The following GRM8 variants were observed in gnomAD, a reference collection of about 807,000 sequenced individuals.
GRM8 encodes metabotropic glutamate receptor 8.
A neutral mutation model predicts 87.2 loss-of-function variants in GRM8; 47 were observed. The ratio of observed to expected loss-of-function variants is 0.54; its 90% confidence interval spans 0.43 to 0.69. GRM8 has a LOEUF of 0.69. Ranked by LOEUF, GRM8 falls within the 30% of genes least tolerant of loss-of-function variation. GRM8 has a pLI of 0.00. For missense variants in GRM8, 1,019 were observed against 1,139.2 expected (o/e 0.89, Z 1.52); for synonymous variants, 396 against 404.5 (o/e 0.98, Z 0.25).
intron 6 of GRM8, among the ~76,000 whole-genome samples, chr7:126,899,182 T>C (rs1345774222): frequency 6.6e-6 from 1 of 151,800 alleles, no homozygotes; most frequent in African/African-American, 2.4e-5. Context: ...TAATACAGTC[T>C]AAATAACAGG....
chr7:126,939,106 T>C (rs1024287653), intron 3 of GRM8, among the ~76,000 whole-genome samples: 2 of 152,118 alleles, frequency 1.3e-5, no homozygotes, highest in African/African-American at 4.8e-5. Context: ...AAGATGGGCA[T>C]CTTAACCATC....
intron 5 of GRM8, among the ~76,000 whole-genome samples, chr7:126,903,175 T>C (rs966335347): frequency 6.6e-6 from 1 of 152,182 alleles, no homozygotes; most frequent in Non-Finnish European, 1.5e-5. Flanking sequence ...TGTCATCTTA[T>C]GGAGTCATGA....
chr7:127,175,463 T>C (rs1794047459), intron 2 of GRM8, among the ~76,000 whole-genome samples: 1 of 152,042 alleles, frequency 6.6e-6, no homozygotes, highest in Non-Finnish European at 1.5e-5. Context: ...TTGAAAGTAA[T>C]GACAAACACA....
chr7:127,134,240 GT>G (rs1204475612), intron 2 of GRM8, among the ~76,000 whole-genome samples: 1 of 152,186 alleles, frequency 6.6e-6, no homozygotes, highest in Non-Finnish European at 1.5e-5. Flanking sequence ...TCAAGAACTT[GT>G]TGCTAAGTAC....
intron 3 of GRM8, among the ~76,000 whole-genome samples, chr7:127,019,752 T>A (rs973037560): frequency 3.3e-5 from 5 of 152,076 alleles, no homozygotes; most frequent in African/African-American, 1.2e-4. Flanking sequence ...AAGATTTGAA[T>A]CTTATCTCTA....
At chr7:126,992,549 T>C (rs1390106544) in intron 3 of GRM8, among the ~76,000 whole-genome samples, 1 of 152,010 alleles carries the variant, frequency 6.6e-6, no homozygotes, top group Non-Finnish European at 1.5e-5. Flanking sequence ...TAACAACAGG[T>C]GGGCACAGGC....
intron 7 of GRM8, among the ~76,000 whole-genome samples, chr7:126,693,870 T>A (rs2151378380): frequency 6.6e-6 from 1 of 152,216 alleles, no homozygotes; most frequent in African/African-American, 2.4e-5. Flanking sequence ...TCAAGTTATG[T>A]TTCATTTATT....
At chr7:126,509,173 T>C (rs1349247755) in intron 9 of GRM8, among the ~76,000 whole-genome samples, 1 of 152,076 alleles carries the variant, frequency 6.6e-6, no homozygotes, top group Non-Finnish European at 1.5e-5. Context: ...GATAAACATT[T>C]TTAACACCTT....
At chr7:127,214,950 A>G (rs971355407) in intron 2 of GRM8, among the ~76,000 whole-genome samples, 34 of 152,274 alleles carry the variant, frequency 2.2e-4, no homozygotes, top group African/African-American at 8.2e-4. Flanking sequence ...TTCTAGAAAC[A>G]TTTTAGGACA....
In GRM8 at chr7:126,871,968, G is replaced by A. The variant is rs1399727025; in HGVS notation, c.1156+30574C>T. On this transcript the variant is annotated intron_variant, in intron 6 of 10. Coordinates refer to ENST00000339582, the MANE Select transcript of GRM8 (RefSeq NM_000845.3). Reference sequence around the variant, plus strand: ...ATTCATAAGATGTCTTACGTTTGCCGGTTCTAAACATCCTTTATATTTTAT... The same window carrying A: ...ATTCATAAGATGTCTTACGTTTGCCAGTTCTAAACATCCTTTATATTTTAT... Among the ~76,000 whole-genome samples, 8 of 152,034 alleles carry A rather than the reference G, an allele frequency of 5.3e-5. No homozygotes were observed. In the South Asian group the frequency reaches 6.2e-4, roughly 12 times the overall value.
chr7:127,157,166 G>A (rs1001994742), intron 2 of GRM8, among the ~76,000 whole-genome samples: 1 of 150,634 alleles, frequency 6.6e-6, no homozygotes, highest in Non-Finnish European at 1.5e-5. Context: ...AGGGAGAGAG[G>A]GAGGGAAGGA....
At chr7:126,624,617 T>C (rs1800489906) in intron 7 of GRM8, among the ~76,000 whole-genome samples, 1 of 152,240 alleles carries the variant, frequency 6.6e-6, no homozygotes, top group Non-Finnish European at 1.5e-5. Flanking sequence ...CCACCATATA[T>C]ATAGCTCAGA....
At chr7:127,041,975 C>T (rs1042644763) in intron 3 of GRM8, among the ~76,000 whole-genome samples, 3 of 152,144 alleles carry the variant, frequency 2.0e-5, no homozygotes. Context: ...GGAGTCTTGG[C>T]TGATGTTTCT....
chr7:126,540,233 T>A (rs1394750924), intron 8 of GRM8, among the ~76,000 whole-genome samples: 1 of 152,112 alleles, frequency 6.6e-6, no homozygotes, highest in Non-Finnish European at 1.5e-5. Context: ...CAGGGAAATC[T>A]AAATCAAAAC....
rs7809522 is a variant in GRM8 at position 126,859,758 on chromosome 7, G to A, written c.1156+42784C>T. 7.2e-3 allele frequency among the ~76,000 whole-genome samples: 1,103 copies of A among 152,226 alleles called. 25 individuals carry two copies. Among genetic ancestry groups the A allele is most frequent in the East Asian group, 0.068 (349 of 5,168 alleles). ...GCATCCTGAAGATCCTAAACAAATC[G>A]TCCTTCTATTTTACTATGTGAACAA... is the stretch of plus-strand genomic sequence containing the variant. On this transcript the variant is annotated intron_variant, in intron 6 of 10. Transcript: ENST00000339582.
chr7:126,779,577 C>T (rs1416423187), intron 6 of GRM8, among the ~76,000 whole-genome samples: 3 of 152,058 alleles, frequency 2.0e-5, no homozygotes, highest in Non-Finnish European at 4.4e-5. Context: ...AACATAGCTA[C>T]AATACTAAGC....
At chr7:126,977,929 G>C (rs1394527833) in intron 3 of GRM8, among the ~76,000 whole-genome samples, 1 of 152,056 alleles carries the variant, frequency 6.6e-6, no homozygotes, top group Non-Finnish European at 1.5e-5. Context: ...TTATAGAAAT[G>C]AAGTATCCAC....
chr7:126,832,497 A>G (rs1795487666), intron 6 of GRM8, among the ~76,000 whole-genome samples: 1 of 152,222 alleles, frequency 6.6e-6, no homozygotes, highest in African/African-American at 2.4e-5. Flanking sequence ...ATAAAACACT[A>G]TAAAGTTGAG....
intron 7 of GRM8, among the ~76,000 whole-genome samples, chr7:126,720,320 T>A (rs1812249503): frequency 6.6e-6 from 1 of 151,974 alleles, no homozygotes; most frequent in South Asian, 2.1e-4. Context: ...TTTTTAAATT[T>A]TTTTTTGTAG....
Sources: allele counts gnomAD v4.1 joint callset (sites outside exome capture counted in the v4.1 genomes callset), GRCh38; gene constraint gnomAD v4.1.1; transcripts MANE v1.5; gene names NCBI Gene and HGNC (gene_info 2026-07-23, HGNC 2026-07-21).